KAZN: variants seen among roughly 807,000 people sequenced by gnomAD.
KAZN encodes kazrin.
Under a neutral mutation model 87.4 loss-of-function variants are expected in KAZN, and 40 were observed. That is an observed-to-expected ratio of 0.46 (90% confidence interval 0.36 to 0.60). The LOEUF (loss-of-function observed/expected upper bound fraction) is 0.60, where lower values mean the gene tolerates loss of function less well. Ranked by LOEUF, KAZN falls within the 20% of genes least tolerant of loss-of-function variation. The probability of loss-of-function intolerance (pLI) is 0.00; values close to 1 mark genes in which losing one functional copy is unlikely to be tolerated. For missense variants in KAZN, 898 were observed against 1,073.9 expected (o/e 0.84, Z 2.29); for synonymous variants, 466 against 458.3 (o/e 1.02, Z -0.22).
chr1:14,709,050 C>T lies in KAZN; in HGVS notation c.226+109827C>T, dbSNP rs149528511. On this transcript the variant is annotated intron_variant, in intron 1 of 14. Coordinates refer to ENST00000376030, the MANE Select transcript of KAZN (RefSeq NM_201628.3). ...TGACAAAGACAATGAGGGCAGATAC[C>T]ACGGTTTTCATGCTTAGTACCCACC... Among the ~76,000 whole-genome samples, 63 of 152,158 alleles carry T rather than the reference C, an allele frequency of 4.1e-4. 1 individual carries two copies. In the East Asian group the frequency reaches 0.012, roughly 29 times the overall value.
intron 1 of KAZN, among the ~76,000 whole-genome samples, chr1:14,073,104 C>A (rs1318943482): frequency 2.0e-5 from 3 of 152,144 alleles, no homozygotes; most frequent in Non-Finnish European, 4.4e-5. Flanking sequence ...ACCCAAGGCA[C>A]CTGTGATCAG....
intron 2 of KAZN, among the ~76,000 whole-genome samples, chr1:14,322,002 T>C (rs529669052): frequency 1.3e-5 from 2 of 152,296 alleles, no homozygotes; most frequent in Admixed American, 1.3e-4. Context: ...ACATTTCACA[T>C]TCTATTCACT....
chr1:15,080,649 T>A (rs1284115590), intron 8 of KAZN, among the ~76,000 whole-genome samples: 1 of 152,250 alleles, frequency 6.6e-6, no homozygotes, highest in African/African-American at 2.4e-5. Context: ...CATAAAAAGT[T>A]GTTTTTTCAC....
chr1:13,977,041 A>T (rs1483568274), intron 1 of KAZN, among the ~76,000 whole-genome samples: 1 of 152,214 alleles, frequency 6.6e-6, no homozygotes, highest in African/African-American at 2.4e-5. Context: ...TGTCTTATGA[A>T]TTATTCAGCA....
At chr1:15,085,984 T>G (rs1213735514) in intron 8 of KAZN, among the ~76,000 whole-genome samples, 1 of 148,694 alleles carries the variant, frequency 6.7e-6, no homozygotes, top group Non-Finnish European at 1.5e-5. Flanking sequence ...AGAAAAAATT[T>G]TTTTGAGACA....
intron 1 of KAZN, among the ~76,000 whole-genome samples, chr1:14,827,717 C>T (rs1044275931): frequency 6.6e-6 from 1 of 152,218 alleles, no homozygotes; most frequent in African/African-American, 2.4e-5. Context: ...AAGGGCCTTT[C>T]TGCCAGCAAG....
At chr1:14,334,950 G>C (rs1285360148) in intron 2 of KAZN, among the ~76,000 whole-genome samples, 1 of 152,150 alleles carries the variant, frequency 6.6e-6, no homozygotes, top group African/African-American at 2.4e-5. Flanking sequence ...CAGAGACAGA[G>C]AGTGAGAGAG....
chr1:15,027,070 CTTTTTTTTTT>C (rs71000358), intron 2 of KAZN, among the ~76,000 whole-genome samples: 4 of 56,122 alleles, frequency 7.1e-5, no homozygotes, highest in African/African-American at 1.3e-4. Flanking sequence ...GCCAGTGCTT[CTTTTTTTTTT>C]TTTTTTTTTT....
chr1:14,957,580 C>T (rs1412240738), intron 1 of KAZN, among the ~76,000 whole-genome samples: 1 of 152,232 alleles, frequency 6.6e-6, no homozygotes, highest in African/African-American at 2.4e-5. Flanking sequence ...TCCGGGTTGC[C>T]TGCCGTGCTG....
chr1:14,873,052 GTGGATGGA>G (rs1033987878), intron 1 of KAZN, among the ~76,000 whole-genome samples: 35 of 140,328 alleles, frequency 2.5e-4, no homozygotes, highest in African/African-American at 8.9e-4. Flanking sequence ...GAATCGGTGG[GTGGATGGA>G]TGGATGGGTG....
intron 1 of KAZN, among the ~76,000 whole-genome samples, chr1:13,998,931 TGGC>T (rs35706595): frequency 0.39 from 59,594 of 151,904 alleles, 12,296 homozygotes; most frequent in Admixed American, 0.55. Context: ...CAGTGCCACA[TGGC>T]ACTTATTCTA....
chr1:14,950,936 A>G (rs1300088796), intron 1 of KAZN, among the ~76,000 whole-genome samples: 1 of 152,108 alleles, frequency 6.6e-6, no homozygotes, highest in Non-Finnish European at 1.5e-5. Flanking sequence ...CACAGGAGAA[A>G]GGGAATAACT....
At chr1:14,838,137 G>A (rs1212452196) in intron 1 of KAZN, among the ~76,000 whole-genome samples, 6 of 152,134 alleles carry the variant, frequency 3.9e-5, no homozygotes, top group South Asian at 4.1e-4. Context: ...TGTACCCTCC[G>A]GAGGGGACCA....
chr1:14,900,815 T>C (rs1431503896), intron 1 of KAZN, among the ~76,000 whole-genome samples: 1 of 151,208 alleles, frequency 6.6e-6, no homozygotes, highest in Non-Finnish European at 1.5e-5. Flanking sequence ...TGGGTGCAGC[T>C]ACTACTGTGG....
intron 1 of KAZN, among the ~76,000 whole-genome samples, chr1:13,959,091 T>C (rs1641657625): frequency 6.6e-6 from 1 of 152,176 alleles, no homozygotes; most frequent in Non-Finnish European, 1.5e-5. Flanking sequence ...GTCCAGGTGA[T>C]TGCAGGTGTC....
chr1:14,477,157 C>A lies in KAZN; in HGVS notation c.250-121826C>A, dbSNP rs1041972408. ...GAGGTCATTAAATTATGGGGGTGGGCCTTTCCTGCACTATTCTAGTGATAG... is the reference window on the plus strand; with the variant it reads ...GAGGTCATTAAATTATGGGGGTGGGACTTTCCTGCACTATTCTAGTGATAG... On this transcript the variant is annotated intron_variant, in intron 2 of 16. Coordinates refer to the KAZN transcript ENST00000636203. Among the ~76,000 whole-genome samples the A allele has an allele frequency of 1.1e-4, 16 of 152,234 alleles. No individual in the cohort carries two copies. In the East Asian group the frequency reaches 3.1e-3, roughly 30 times the overall value.
intron 1 of KAZN, among the ~76,000 whole-genome samples, chr1:14,128,843 A>G (rs753510993): frequency 2.4e-4 from 36 of 152,156 alleles, no homozygotes; most frequent in Admixed American, 1.2e-3. Context: ...TAGCGTCAGG[A>G]AATCTCCATT....
chr1:14,728,289 TAAAAAAAAAAAA>T (rs55745144), intron 1 of KAZN, among the ~76,000 whole-genome samples: 2 of 29,846 alleles, frequency 6.7e-5, no homozygotes, highest in South Asian at 1.4e-3. Flanking sequence ...ACCGTATATA[TAAAAAAAAAAAA>T]AAAAAAAAAA....
In KAZN at chr1:14,451,922, A is replaced by G. The variant is rs1667298094; in HGVS notation, c.250-147061A>G. On this transcript the variant is annotated intron_variant, in intron 2 of 16. Transcript: ENST00000636203. ...GCAGATTGGACGCTGTTTTGGGATGAGATTAACTCTTTTTTGTTTTGTTTT... is the reference window on the plus strand; with the variant it reads ...GCAGATTGGACGCTGTTTTGGGATGGGATTAACTCTTTTTTGTTTTGTTTT... Among the ~76,000 whole-genome samples the G allele has an allele frequency of 1.3e-5, 2 of 151,860 alleles. 1 individual carries two copies. Among genetic ancestry groups the G allele is most frequent in the African/African-American group, 4.8e-5 (2 of 41,330 alleles).
Sources: allele counts gnomAD v4.1 joint callset (sites outside exome capture counted in the v4.1 genomes callset), GRCh38; gene constraint gnomAD v4.1.1; transcripts MANE v1.5; gene names NCBI Gene and HGNC (gene_info 2026-07-23, HGNC 2026-07-21).